EYS: variants seen among roughly 807,000 people sequenced by gnomAD.
EYS encodes the protein protein eyes shut homolog.
A neutral mutation model predicts 282.1 loss-of-function variants in EYS; 250 were observed. That is an observed-to-expected ratio of 0.89 (90% CI 0.80 to 0.98). EYS has a LOEUF of 0.98. EYS is among the 50% of genes least tolerant of loss of function. The pLI, the probability that EYS is intolerant of heterozygous loss-of-function variation, is 0.00. For synonymous variants in EYS, 1,355 were observed against 1,282.9 expected (o/e 1.06, Z -1.20); for missense variants, 4,016 against 3,709.0 (o/e 1.08, Z -2.15).
In EYS at chr6:64,692,448, C is replaced by T. The variant is rs192593490; in HGVS notation, c.3444-66203G>A. On this transcript the variant is annotated intron_variant, in intron 22 of 42. Coordinates refer to ENST00000503581, the MANE Select transcript of EYS (RefSeq NM_001142800.2). ...TTTATACTGTTTATATCTTTTGCTG[C>T]AAAGAAGCTCTTTAGTTTAATTCAC... 1.2e-4 allele frequency among the ~76,000 whole-genome samples: 19 copies of T among 152,120 alleles called. No individual in the cohort carries two copies. The East Asian group carries it at 1.7e-3, about 14-fold the overall frequency.
chr6:64,939,719 C>T (rs929704472), intron 15 of EYS, among the ~76,000 whole-genome samples: 3 of 151,726 alleles, frequency 2.0e-5, no homozygotes, highest in Non-Finnish European at 4.4e-5. Context: ...ATGTATAAGA[C>T]ATTGTTTTGG....
intron 19 of EYS, among the ~76,000 whole-genome samples, chr6:64,884,349 A>G (rs1767017595): frequency 6.6e-6 from 1 of 151,556 alleles, no homozygotes; most frequent in East Asian, 1.9e-4. Flanking sequence ...AAGCTAGAGT[A>G]GAAATAAAAC....
chr6:64,290,766 C>T (rs1258130280), intron 30 of EYS, among the ~76,000 whole-genome samples: 2 of 151,584 alleles, frequency 1.3e-5, no homozygotes, highest in African/African-American at 4.8e-5. Context: ...ATTTATTTCT[C>T]TTCATACTTC....
chr6:64,615,844 A>C (rs1196099760), intron 24 of EYS, among the ~76,000 whole-genome samples: 1 of 152,114 alleles, frequency 6.6e-6, no homozygotes, highest in Non-Finnish European at 1.5e-5. Context: ...CCTTACTAAA[A>C]TGTAAATGCA....
chr6:64,031,606 C>T (rs1769842818), intron 33 of EYS, among the ~76,000 whole-genome samples: 1 of 152,172 alleles, frequency 6.6e-6, no homozygotes. Context: ...TGGGGACTTG[C>T]AGAACCTTTA....
intron 22 of EYS, among the ~76,000 whole-genome samples, chr6:64,766,649 A>AAAAAAAAAAAATATATAT (rs1387919586): frequency 5.2e-5 from 1 of 19,068 alleles, no homozygotes; most frequent in Non-Finnish European, 1.0e-4. Flanking sequence ...AAAAAAAAAA[A>AAAAAAAAAAAATATATAT]ATATATATAT....
chr6:63,840,804 C>T (rs955118185), intron 36 of EYS, among the ~76,000 whole-genome samples: 3 of 152,110 alleles, frequency 2.0e-5, no homozygotes, highest in Non-Finnish European at 4.4e-5. Flanking sequence ...TGTCTTTTCC[C>T]TAGTGAATGT....
At position 64,230,634 on chromosome 6, in the gene EYS, A is replaced by C. The variant is rs1442903470; in HGVS notation, c.6382T>G (p.Cys2128Gly). Residue 2128 changes from cysteine to glycine, a missense_variant, in exon 31 of 43, where the codon TGT becomes GGT. By Grantham distance (159) the Cys-to-Gly change is radical (BLOSUM62 -3). Transcript: ENST00000503581. ...CCAGTGAAATGTAGTGGACAGTCAC[A>C]TTGGAATGACACTATGCCACTGGAG... ...FLSSGIVSFQ[C>G]DCPLHFTGRF... 6.4e-7 allele frequency: 1 copy of C among 1,551,504 alleles called. No homozygotes were observed. The highest frequency in any genetic ancestry group is 8.7e-7 in the Non-Finnish European group (1 of 1,146,826).
chr6:63,896,525 T>C (rs1437245945), intron 35 of EYS, among the ~76,000 whole-genome samples: 2 of 152,164 alleles, frequency 1.3e-5, no homozygotes, highest in South Asian at 2.1e-4. Flanking sequence ...CTCAGAGCGG[T>C]ACATGGGTTA....
In EYS at chr6:64,023,628, C is replaced by T. The variant is rs187030228; in HGVS notation, c.6726-24445G>A. Among the ~76,000 whole-genome samples, 8 of 152,336 alleles carry T rather than the reference C, an allele frequency of 5.3e-5. No homozygotes were observed. In the East Asian group the frequency reaches 1.5e-3, roughly 29 times the overall value. On this transcript the variant is annotated intron_variant, in intron 33 of 42. Coordinates refer to ENST00000503581, the MANE Select transcript of EYS (RefSeq NM_001142800.2). ...TGGTATTGAGAGGCAACAGTGTGCG[C>T]CCTCACTAGCTCTCGGCACCTCCTT...
intron 31 of EYS, among the ~76,000 whole-genome samples, chr6:64,170,523 A>G (rs1211016198): frequency 1.3e-5 from 2 of 151,770 alleles, no homozygotes; most frequent in African/African-American, 4.8e-5. Context: ...GCAATCTCTT[A>G]TCTCTTACAC....
intron 1 of EYS, among the ~76,000 whole-genome samples, chr6:65,652,872 GA>G (rs1380825820): frequency 6.6e-6 from 1 of 151,960 alleles, no homozygotes; most frequent in Admixed American, 6.6e-5. Context: ...AACTATCCAG[GA>G]TATAAGAAAT....
chr6:63,907,904 ATGG>A (rs1459414913), intron 35 of EYS, among the ~76,000 whole-genome samples: 1 of 151,510 alleles, frequency 6.6e-6, no homozygotes, highest in African/African-American at 2.4e-5. Context: ...ACTTATGATA[ATGG>A]CCTTCAGTGC....
At position 63,840,209 on chromosome 6, in the gene EYS, A is replaced by AGCTTAT. The variant is rs748732292; in HGVS notation, c.7228+23976_7228+23977insATAAGC. Among the ~76,000 whole-genome samples the AGCTTAT allele has an allele frequency of 2.0e-3, 123 of 60,620 alleles. No individual in the cohort carries two copies. The Middle Eastern group carries it at 0.03, about 15-fold the overall frequency. 39.8% of individuals were successfully genotyped at this position (60,620 alleles called of 152,430 possible). ...ACTACAGTTGCCTGCCACCATGCCC[A>AGCTTAT]TCTTATTATTATTATTATTATTATT... is the stretch of plus-strand genomic sequence containing the variant. On this transcript the variant is annotated intron_variant, in intron 36 of 42. Transcript: ENST00000503581.
Position 64,886,963 on chromosome 6 carries a change from T to C in EYS, c.2847-121A>G, listed in dbSNP as rs1400650704. 3 of 682,890 alleles carry C rather than the reference T, an allele frequency of 4.4e-6. No individual in the cohort carries two copies. In the African/African-American group the frequency reaches 5.7e-5, roughly 13 times the overall value. The allele number at this position is 682,890 out of a possible 1,614,324, so 42.3% of individuals were successfully genotyped here. A position where few individuals can be genotyped will look rare whatever the true frequency, so the allele number is the denominator to read the frequency against. On this transcript the variant is annotated intron_variant, in intron 18 of 42. Coordinates refer to ENST00000503581, the MANE Select transcript of EYS (RefSeq NM_001142800.2). The stretch of plus-strand genomic sequence containing the variant: ...ACTTAATTGAAATAAATAATATATG[T>C]ATTTCATTTTTTTCTTTGAAAAAAT...
chr6:63,895,772 G>A (rs1159602590), intron 35 of EYS, among the ~76,000 whole-genome samples: 1 of 152,152 alleles, frequency 6.6e-6, no homozygotes, highest in Non-Finnish European at 1.5e-5. Context: ...ACTAAGCCAT[G>A]TGTGTAGTCC....
chr6:64,138,843 G>C (rs1279569007), intron 31 of EYS, among the ~76,000 whole-genome samples: 2 of 152,160 alleles, frequency 1.3e-5, no homozygotes, highest in Non-Finnish European at 2.9e-5. Flanking sequence ...ATGTTGGCAG[G>C]TAAGAAATTA....
intron 22 of EYS, among the ~76,000 whole-genome samples, chr6:64,674,879 C>T (rs193244842): frequency 1.1e-3 from 170 of 152,090 alleles, no homozygotes; most frequent in African/African-American, 3.6e-3. Context: ...AAAGTTTTAA[C>T]GCTTGAAAAC....
At chr6:65,419,195 G>A (rs1288743074) in intron 5 of EYS, among the ~76,000 whole-genome samples, 3 of 151,594 alleles carry the variant, frequency 2.0e-5, no homozygotes, top group African/African-American at 4.8e-5. Context: ...ACCCAAACAC[G>A]AGGCTTTAAA....
Sources: gnomAD v4.1 joint callset for allele counts (sites outside exome capture counted in the v4.1 genomes callset) on GRCh38, gnomAD v4.1.1 for gene constraint, MANE v1.5 for transcripts, NCBI Gene and HGNC (gene_info 2026-07-23, HGNC 2026-07-21) for gene names.